Variants in MAN1A2 observed in about 807,000 individuals in gnomAD.
The protein encoded by MAN1A2 is mannosidase alpha class 1A member 2, also known as mannosyl-oligosaccharide 1,2-alpha-mannosidase IB.
MAN1A2 carries 26 observed loss-of-function variants against 75.7 expected under a neutral mutation model. The ratio of observed to expected loss-of-function variants is 0.34; its 90% CI spans 0.25 to 0.48. The LOEUF is 0.48. MAN1A2 is among the 20% of genes least tolerant of loss of function. MAN1A2 has a pLI of 0.99. For missense variants in MAN1A2, 562 were observed against 775.5 expected, an observed-to-expected ratio of 0.72 and a Z score of 3.27; for synonymous variants, 247 against 264.6, an observed-to-expected ratio of 0.93 and a Z score of 0.65.
intron 6 of MAN1A2, among the ~76,000 whole-genome samples, chr1:117,458,491 A>ATC (rs1649675795): frequency 3.0e-5 from 2 of 66,514 alleles, no homozygotes; most frequent in East Asian, 3.6e-4. Flanking sequence ...AGAAATATAT[A>ATC]TATATCTATA....
At chr1:117,417,211 G>A (rs958162489) in intron 4 of MAN1A2, among the ~76,000 whole-genome samples, 2 of 151,860 alleles carry the variant, frequency 1.3e-5, no homozygotes, top group African/African-American at 4.8e-5. Context: ...GTCATTTTTT[G>A]TTCCTTTCTT....
rs1475507571 is a variant in MAN1A2 at position 117,499,389 on chromosome 1, G to C, written c.1512G>C (p.Lys504Asn). The C allele has an allele frequency of 6.4e-7, 1 of 1,571,574 alleles. No individual in the cohort carries two copies. Among genetic ancestry groups the C allele is most frequent in the Non-Finnish European group, 8.6e-7 (1 of 1,161,526 alleles). The change falls in exon 11 of 13, where the codon AAG becomes AAC. Residue 504 changes from lysine to asparagine, a missense_variant. Physicochemically the swap from Lys to Asn is moderately conservative, Grantham distance 94 (BLOSUM62 0). Transcript: ENST00000356554. ...TCTTTTGTCATGTTACAGCATTAAA[G>C]CTAGGTCCTGAATCATTCAAGTTTG... ...CHESYDRTAL[K>N]LGPESFKFDG...
At position 117,523,228 on chromosome 1, in the gene MAN1A2, G is replaced by C. The variant is rs1325368994; in HGVS notation, c.*271G>C. Reference sequence around the variant, plus strand: ...GGTGGTCACATGAGAAATGATACCTGTTACTACTGTATTGTTTTTAGAGTC... The same window carrying C: ...GGTGGTCACATGAGAAATGATACCTCTTACTACTGTATTGTTTTTAGAGTC... On this transcript the variant is annotated 3_prime_UTR_variant, in exon 13 of 13. Coordinates refer to ENST00000356554, the MANE Select transcript of MAN1A2 (RefSeq NM_006699.5). The C allele has an allele frequency of 1.8e-6, 1 of 567,828 alleles. No individual in the cohort carries two copies. The highest frequency in any genetic ancestry group is 3.4e-6 in the Non-Finnish European group (1 of 289,904). The allele number at this position is 567,828 out of a possible 1,614,324, so 35.2% of individuals were successfully genotyped here.
chr1:117,437,184 A>T (rs895821922), intron 5 of MAN1A2, among the ~76,000 whole-genome samples: 3 of 152,192 alleles, frequency 2.0e-5, no homozygotes, highest in African/African-American at 7.2e-5. Context: ...ATGAAAATAG[A>T]TTGAGAGGTT....
intron 3 of MAN1A2, among the ~76,000 whole-genome samples, chr1:117,411,200 G>GTAAAGCTACAATTCAGGACAGTATGGTT (rs1647806732): frequency 6.6e-6 from 1 of 151,698 alleles, no homozygotes; most frequent in Non-Finnish European, 1.5e-5. Context: ...ATAAATTACA[G>GTAAAGCTACAATTCAGGACAGTATGGTT]TAAAGCTACA....
At chr1:117,518,250 G>A (rs888114338) in intron 12 of MAN1A2, among the ~76,000 whole-genome samples, 8 of 151,974 alleles carry the variant, frequency 5.3e-5, no homozygotes, top group Non-Finnish European at 1.0e-4. Flanking sequence ...TTATTTAGCA[G>A]CGCATATACT....
intron 3 of MAN1A2, among the ~76,000 whole-genome samples, chr1:117,409,596 G>C (rs1396611726): frequency 6.6e-6 from 1 of 152,048 alleles, no homozygotes; most frequent in East Asian, 1.9e-4. Context: ...GGTTAATGGG[G>C]TTGTTCAGGC....
Position 117,484,521 on chromosome 1 carries a change from C to G in MAN1A2, c.1169-8626C>G, listed in dbSNP as rs116241559. Among the ~76,000 whole-genome samples the G allele has an allele frequency of 4.5e-3, 680 of 152,056 alleles. 6 individuals are homozygous for G. Among genetic ancestry groups the G allele is most frequent in the African/African-American group, 0.016 (648 of 41,544 alleles). ...AAAATATGCAAGAACCATGAGAAAT[C>G]GCTTTTTACTGCAATATGCAATTTA... On this transcript the variant is annotated intron_variant, in intron 8 of 12. Coordinates refer to ENST00000356554, the MANE Select transcript of MAN1A2 (RefSeq NM_006699.5).
At chr1:117,401,604 A>G (rs1372463681) in intron 1 of MAN1A2, among the ~76,000 whole-genome samples, 6 of 152,158 alleles carry the variant, frequency 3.9e-5, no homozygotes, top group Non-Finnish European at 5.9e-5. Flanking sequence ...GGAGCTCTTC[A>G]TGATACAGAT....
intron 1 of MAN1A2, among the ~76,000 whole-genome samples, chr1:117,385,345 A>G (rs1402836595): frequency 6.6e-6 from 1 of 152,156 alleles, no homozygotes; most frequent in Non-Finnish European, 1.5e-5. Flanking sequence ...AGAAGAACCT[A>G]TATAGGTGAG....
chr1:117,504,192 G>A (rs1651281765), intron 12 of MAN1A2, among the ~76,000 whole-genome samples: 1 of 151,302 alleles, frequency 6.6e-6, no homozygotes, highest in South Asian at 2.1e-4. Flanking sequence ...TAAAGTGACG[G>A]GAACTTTAGT....
At chr1:117,397,682 C>CTTTTTTTTT (rs1647227838) in intron 1 of MAN1A2, among the ~76,000 whole-genome samples, 2 of 109,300 alleles carry the variant, frequency 1.8e-5, no homozygotes, top group African/African-American at 7.0e-5. Context: ...CGTAGTTTCG[C>CTTTTTTTTT]TTTTGTTGGC....
Position 117,493,144 on chromosome 1 carries a change from C to T in MAN1A2, c.1169-3C>T. The stretch of plus-strand genomic sequence containing the variant: ...TATCCTTCTGTTTTCTCCTTTGTTA[C>T]AGATCATACATCTGTCGGTGGCCTG... On this transcript the variant is annotated splice_polypyrimidine_tract_variant and splice_region_variant and intron_variant, in intron 8 of 12. Coordinates refer to ENST00000356554, the MANE Select transcript of MAN1A2 (RefSeq NM_006699.5). 1 of 1,537,428 alleles carries T rather than the reference C, an allele frequency of 6.5e-7. No homozygotes were observed. The highest frequency in any genetic ancestry group is 9.0e-7 in the Non-Finnish European group (1 of 1,111,126).
chr1:117,477,285 T>C (rs1650344751), intron 8 of MAN1A2, among the ~76,000 whole-genome samples: 1 of 152,016 alleles, frequency 6.6e-6, no homozygotes, highest in African/African-American at 2.4e-5. Context: ...TAACTTATTT[T>C]ATGACATCAA....
intron 1 of MAN1A2, among the ~76,000 whole-genome samples, chr1:117,385,865 G>A (rs551791528): frequency 6.6e-6 from 1 of 152,308 alleles, no homozygotes; most frequent in South Asian, 2.1e-4. Context: ...AGTGAAGCCA[G>A]ATACACAGAA....
chr1:117,439,555 G>A (rs1213481695), intron 5 of MAN1A2, among the ~76,000 whole-genome samples: 4 of 151,722 alleles, frequency 2.6e-5, no homozygotes, highest in Non-Finnish European at 4.4e-5. Flanking sequence ...GTGCAGTGGC[G>A]TGATCTCGGT....
At position 117,368,201 on chromosome 1, in the gene MAN1A2, G is replaced by A. The variant is rs1652833790; in HGVS notation, c.18G>A (p.Leu6=). MTTPA[L]LPLSGRRIPP... ...CGTAAACGATGACTACCCCAGCCCT[G>A]CTGCCCCTCTCTGGACGTAGGATAC... The change falls in exon 1 of 13, where the codon CTG becomes CTA. Residue 6 remains leucine, a synonymous_variant. Transcript: ENST00000356554. 6.2e-7 allele frequency: 1 copy of A among 1,613,056 alleles called. No individual in the cohort carries two copies. Among genetic ancestry groups the A allele is most frequent in the Non-Finnish European group, 8.5e-7 (1 of 1,179,672 alleles).
chr1:117,429,697 C>T (rs1396582516), intron 5 of MAN1A2, among the ~76,000 whole-genome samples: 3 of 104,212 alleles, frequency 2.9e-5, no homozygotes, highest in Non-Finnish European at 2.0e-5. Context: ...GGTGGCTGGC[C>T]GGGCAGGGGG....
In MAN1A2 at chr1:117,405,574, A is replaced by G; in HGVS notation, c.584A>G (p.Tyr195Cys). 6.2e-7 allele frequency: 1 copy of G among 1,603,198 alleles called. No individual in the cohort carries two copies. Among genetic ancestry groups the G allele is most frequent in the Non-Finnish European group, 8.5e-7 (1 of 1,170,180 alleles). ...KEMMKHAWDNYRTYGWGHNEL... is the reference protein window; with the variant it reads ...KEMMKHAWDNCRTYGWGHNEL... Reference sequence around the variant, plus strand: ...ATGATGAAACATGCTTGGGATAACTATAGGACATATGGGTGGGGACATAAT... The same window carrying G: ...ATGATGAAACATGCTTGGGATAACTGTAGGACATATGGGTGGGGACATAAT... The change falls in exon 3 of 13, where the codon TAT becomes TGT. Residue 195 changes from tyrosine to cysteine, a missense_variant. Physicochemically the swap from Tyr to Cys is radical, Grantham distance 194. This residue lies in a region of MAN1A2 where 434 missense variants were observed against 645.7 expected (regional missense o/e 0.67). Transcript: ENST00000356554.
Sources: allele counts gnomAD v4.1 joint callset (sites outside exome capture counted in the v4.1 genomes callset), GRCh38; gene constraint gnomAD v4.1.1; regional missense constraint gnomAD v4.1.1; transcripts MANE v1.5; gene names NCBI Gene and HGNC (gene_info 2026-07-23, HGNC 2026-07-21).